The following TSPO variants were observed in gnomAD, a reference collection of about 807,000 sequenced individuals.
TSPO encodes the protein translocator protein.
Under a neutral mutation model 13.9 loss-of-function variants are expected in TSPO, and 14 were observed. The observed-to-expected ratio is 1.01, with a 90% confidence interval of 0.67 to 1.58. The LOEUF is 1.58. Among genes scored for constraint, TSPO ranks in the 40% most tolerant of loss-of-function variants. TSPO has a pLI of 0.00. For missense variants in TSPO, 232 were observed against 229.6 expected, an observed-to-expected ratio of 1.01 and a Z score of -0.07; for synonymous variants, 114 against 105.9, an observed-to-expected ratio of 1.08 and a Z score of -0.47.
chr22:43,156,933 G>A (rs1601755758), intron 1 of TSPO, among the ~76,000 whole-genome samples: 1 of 152,154 alleles, frequency 6.6e-6, no homozygotes, highest in Non-Finnish European at 1.5e-5. Context: ...ACCCTGGTCC[G>A]GCTCGTTTCC....
Position 43,154,795 on chromosome 22 carries a change from C to T in TSPO, c.-30+3191C>T, listed in dbSNP as rs189418047. On this transcript the variant is annotated intron_variant, in intron 1 of 3. Coordinates refer to ENST00000337554, the MANE Select transcript of TSPO (RefSeq NM_000714.6). ...GGGGCAGCGATGGGTCTGGGGTCTT[C>T]GGGCCAGGAGTGAAGCCTCACAAGA... Among the ~76,000 whole-genome samples the T allele has an allele frequency of 3.9e-5, 6 of 152,226 alleles. No individual in the cohort carries two copies. The East Asian group carries it at 9.6e-4, about 24-fold the overall frequency.
intron 1 of TSPO, among the ~76,000 whole-genome samples, chr22:43,157,009 G>C (rs368551565): frequency 1.3e-5 from 2 of 152,198 alleles, no homozygotes; most frequent in African/African-American, 4.8e-5. Context: ...ACTCACGCAG[G>C]CTCCAGCAGA....
intron 1 of TSPO, among the ~76,000 whole-genome samples, chr22:43,155,252 G>A (rs1436311303): frequency 2.6e-5 from 4 of 152,178 alleles, no homozygotes; most frequent in African/African-American, 9.7e-5. Context: ...GGCTCAGGGA[G>A]AAGCAGCTGG....
chr22:43,155,660 C>T (rs1409896344), intron 1 of TSPO, among the ~76,000 whole-genome samples: 3 of 152,196 alleles, frequency 2.0e-5, no homozygotes, highest in South Asian at 4.1e-4. Flanking sequence ...CTACCCCAGC[C>T]CCCCAAGAAG....
chr22:43,154,178 A>G (rs930513842), intron 1 of TSPO, among the ~76,000 whole-genome samples: 1 of 152,050 alleles, frequency 6.6e-6, no homozygotes, highest in Non-Finnish European at 1.5e-5. Flanking sequence ...TACGATGAGG[A>G]CGATTAGCCA....
Position 43,156,786 on chromosome 22 carries a change from C to T in TSPO, c.-29-2424C>T, listed in dbSNP as rs147431803. Among the ~76,000 whole-genome samples, 903 of 152,262 alleles carry T rather than the reference C, an allele frequency of 5.9e-3. 7 individuals carry two copies. Among genetic ancestry groups the T allele is most frequent in the Middle Eastern group, 0.031 (9 of 294 alleles). On this transcript the variant is annotated intron_variant, in intron 1 of 3. Coordinates refer to ENST00000337554, the MANE Select transcript of TSPO (RefSeq NM_000714.6). ...AGCTTCCATGTCGTATCAAGGGGTT[C>T]GGGATGTCCACGTGTCTTATGCTGG...
chr22:43,159,133 C>A, intron 1 of TSPO, 77 bp from the exon 2 acceptor site: 1 of 1,198,176 alleles, frequency 8.3e-7, no homozygotes. Context: ...ACAGGCCTTT[C>A]GGGGATGCTG....
At chr22:43,162,187 T>A (rs1931463740) in intron 3 of TSPO, among the ~76,000 whole-genome samples, 1 of 151,968 alleles carries the variant, frequency 6.6e-6, no homozygotes, top group Non-Finnish European at 1.5e-5. Flanking sequence ...AGTGGCGTGA[T>A]CTCAGCTCAC....
In TSPO at chr22:43,153,553, T is replaced by G. The variant is rs1234376917; in HGVS notation, c.-30+1949T>G. Among the ~76,000 whole-genome samples, 6 of 76,836 alleles carry G rather than the reference T, an allele frequency of 7.8e-5. 2 individuals are homozygous for G. The highest frequency in any genetic ancestry group is 2.0e-4 in the African/African-American group (5 of 25,048). 50.4% of individuals were successfully genotyped at this position (76,836 alleles called of 152,430 possible). ...TTTTTAGTAGAGACGGGGTTTCACCTTGTTAGCCAGGATGGTCTCGATCTC... is the reference window on the plus strand; with the variant it reads ...TTTTTAGTAGAGACGGGGTTTCACCGTGTTAGCCAGGATGGTCTCGATCTC... On this transcript the variant is annotated intron_variant, in intron 1 of 3. Transcript: ENST00000337554.
Position 43,161,210 on chromosome 22 carries a change from G to A in TSPO, c.321+20G>A. 6.2e-7 allele frequency: 1 copy of A among 1,606,396 alleles called. No individual in the cohort carries two copies. The highest frequency in any genetic ancestry group is 8.5e-7 in the Non-Finnish European group (1 of 1,174,802). ...GGCTGGGTAAGTGTGGCCACAGCAT[G>A]TGTCCCTGATCCCTGGATCCGACCC... On this transcript the variant is annotated intron_variant, in intron 3 of 3. Transcript: ENST00000337554.
Position 43,153,237 on chromosome 22 carries a change from T to C in TSPO, c.-30+1633T>C, listed in dbSNP as rs546372127. Among the ~76,000 whole-genome samples the C allele has an allele frequency of 2.4e-4, 36 of 151,922 alleles. No individual in the cohort carries two copies. The East Asian group carries it at 6.4e-3, about 27-fold the overall frequency. ...GATGCAATCATAGCTCACTGCAGTC[T>C]CCTGCAGAACTCCTGGGCTCAAGCG... On this transcript the variant is annotated intron_variant, in intron 1 of 3. Transcript: ENST00000337554.
At chr22:43,159,045 G>A (rs1248305550) in intron 1 of TSPO, among the ~76,000 whole-genome samples, 165 bp from the exon 2 acceptor site, 1 of 151,718 alleles carries the variant, frequency 6.6e-6, no homozygotes, top group Non-Finnish European at 1.5e-5. Context: ...GAGCAAGGCT[G>A]GAAATGCGTT....
Position 43,162,839 on chromosome 22 carries a change from G to A in TSPO, c.358G>A (p.Ala120Thr). 1.9e-6 allele frequency: 3 copies of A among 1,582,622 alleles called. No homozygotes were observed. Among genetic ancestry groups the A allele is most frequent in the Admixed American group, 3.6e-5 (2 of 55,482 alleles). ...TCTCCTGCTGGTCAGTGGGGCGGCG[G>A]CAGCCACTACCGTGGCCTGGTACCA... ...VDLLLVSGAA[A>T]ATTVAWYQVS... The change falls in exon 4 of 4, where the codon GCA becomes ACA. Residue 120 changes from alanine to threonine, a missense_variant. Ala to Thr is a moderately conservative substitution (Grantham distance 58, BLOSUM62 0). Transcript: ENST00000337554.
intron 1 of TSPO, among the ~76,000 whole-genome samples, chr22:43,153,851 T>A (rs1931168978): frequency 6.6e-6 from 1 of 152,142 alleles, no homozygotes; most frequent in Admixed American, 6.5e-5. Flanking sequence ...TGGCTCCAGC[T>A]GGGCTCACTG....
chr22:43,162,720 A>C, intron 3 of TSPO, 83 bp from the exon 4 acceptor site: 1 of 1,355,744 alleles, frequency 7.4e-7, no homozygotes, highest in Non-Finnish European at 9.9e-7. Flanking sequence ...TCCCAAATCC[A>C]GTGGGAGTTG....
intron 1 of TSPO, among the ~76,000 whole-genome samples, chr22:43,154,276 T>TG (rs1931183459): frequency 6.6e-6 from 1 of 151,514 alleles, no homozygotes; most frequent in African/African-American, 2.4e-5. Flanking sequence ...TGGGTGCAGC[T>TG]GGGGGTCGGG....
chr22:43,156,166 A>G (rs748725018), intron 1 of TSPO, among the ~76,000 whole-genome samples: 9 of 151,988 alleles, frequency 5.9e-5, no homozygotes, highest in Non-Finnish European at 1.2e-4. Context: ...TGAGCACGGG[A>G]CTCAGAACTG....
chr22:43,154,119 G>A (rs1931177765), intron 1 of TSPO, among the ~76,000 whole-genome samples: 1 of 152,262 alleles, frequency 6.6e-6, no homozygotes, highest in South Asian at 2.1e-4. Context: ...TTCCAGACCT[G>A]TGGGCTGTTT....
chr22:43,160,098 G>A (rs2147057068), intron 2 of TSPO, among the ~76,000 whole-genome samples: 1 of 152,302 alleles, frequency 6.6e-6, no homozygotes, highest in African/African-American at 2.4e-5. Flanking sequence ...GCGGATAGCA[G>A]AGGCCAGGCC....
Sources: gnomAD v4.1 joint callset for allele counts (sites outside exome capture counted in the v4.1 genomes callset) on GRCh38, gnomAD v4.1.1 for gene constraint, MANE v1.5 for transcripts, NCBI Gene and HGNC (gene_info 2026-07-23, HGNC 2026-07-21) for gene names.